ANXA8: variants seen among roughly 807,000 people sequenced by gnomAD.
ANXA8 encodes VAC-beta.
A neutral mutation model predicts 26.8 loss-of-function variants in ANXA8; 9 were observed. The ratio of observed to expected loss-of-function variants is 0.34; its 90% CI spans 0.20 to 0.59. The LOEUF (loss-of-function observed/expected upper bound fraction) is 0.59. Among genes scored for constraint, ANXA8 ranks in the 20% least tolerant of loss-of-function variants. The pLI, the probability that ANXA8 is intolerant of heterozygous loss-of-function variation, is 0.84. For missense variants in ANXA8, 83 were observed against 238.5 expected (o/e 0.35, Z 4.29); for synonymous variants, 39 against 94.8 (o/e 0.41, Z 3.42).
the ANXA8 span, among the ~76,000 whole-genome samples, chr10:47,537,674 G>A: frequency 2.3e-5 from 3 of 132,152 alleles, no homozygotes; most frequent in African/African-American, 8.7e-5. Context: ...TTTGTGTAAT[G>A]TGATGGAAAC....
chr10:47,475,622 C>CG, intron 5 of ANXA8, 50 bp from the exon 6 acceptor site: 2 of 1,310,438 alleles, frequency 1.5e-6, no homozygotes, highest in Non-Finnish European at 2.2e-6. Context: ...ACAGCCTACC[C>CG]GGGGCCTGCT....
chr10:47,625,142 T>A, the ANXA8 span, among the ~76,000 whole-genome samples: 4 of 23,152 alleles, frequency 1.7e-4, no homozygotes, highest in Admixed American at 1.4e-3. Flanking sequence ...TTATCAGAGA[T>A]TAAAGAAACA....
chr10:47,521,953 G>GT, the ANXA8 span, among the ~76,000 whole-genome samples: 22 of 150,530 alleles, frequency 1.5e-4, no homozygotes, highest in African/African-American at 5.2e-4. Flanking sequence ...GCTAATTTTT[G>GT]TATTTTCTTT....
chr10:47,637,946 T>C, the ANXA8 span, among the ~76,000 whole-genome samples: 1 of 148,502 alleles, frequency 6.7e-6, no homozygotes, highest in African/African-American at 2.6e-5. Context: ...AAGGCAATGT[T>C]TACCAATATG....
At chr10:47,969,773 T>C in the ANXA8 span, among the ~76,000 whole-genome samples, 5 of 150,478 alleles carry the variant, frequency 3.3e-5, no homozygotes, top group East Asian at 9.7e-4. Context: ...TGGAGTAGGG[T>C]GGTGTGACGG....
the ANXA8 span, chr10:47,565,501 G>C: frequency 2.6e-6 from 1 of 382,838 alleles, no homozygotes; most frequent in African/African-American, 2.2e-5. Flanking sequence ...CAGCGACCCC[G>C]GCGAGGCCCC....
the ANXA8 span, among the ~76,000 whole-genome samples, chr10:47,920,237 C>CTTT: frequency 1.3e-4 from 9 of 67,702 alleles, no homozygotes; most frequent in African/African-American, 6.8e-4. Context: ...AAATGAGACT[C>CTTT]TTTTTTTTTT....
At chr10:47,548,464 T>A in the ANXA8 span, among the ~76,000 whole-genome samples, 6 of 152,032 alleles carry the variant, frequency 3.9e-5, no homozygotes, top group Non-Finnish European at 8.8e-5. Flanking sequence ...ACCTCACCCG[T>A]CTAATTTTGT....
chr10:47,731,166 T>A, the ANXA8 span, among the ~76,000 whole-genome samples: 1 of 152,306 alleles, frequency 6.6e-6, no homozygotes, highest in Admixed American at 6.5e-5. Context: ...CAGAGTATGC[T>A]GAGTGTTAAT....
the ANXA8 span, among the ~76,000 whole-genome samples, chr10:47,732,841 G>A: frequency 6.9e-6 from 1 of 144,284 alleles, no homozygotes; most frequent in African/African-American, 2.6e-5. Flanking sequence ...CTAGGCACTG[G>A]AAATGCAAAG....
At chr10:47,664,114 C>T in the ANXA8 span, among the ~76,000 whole-genome samples, 5 of 151,194 alleles carry the variant, frequency 3.3e-5, no homozygotes, top group Non-Finnish European at 7.4e-5. Context: ...CGGTGGCTGA[C>T]GCCTGTAATC....
chr10:47,744,761 A>G, the ANXA8 span, among the ~76,000 whole-genome samples: 271 of 151,840 alleles, frequency 1.8e-3, 4 homozygotes, highest in African/African-American at 5.8e-3. Context: ...CTATTTACCA[A>G]TTCAAACTTG....
the ANXA8 span, among the ~76,000 whole-genome samples, chr10:47,697,245 T>C: frequency 2.6e-5 from 4 of 152,268 alleles, no homozygotes; most frequent in East Asian, 1.9e-4. Context: ...CACTTCACTA[T>C]ACCTTTATCT....
the ANXA8 span, among the ~76,000 whole-genome samples, chr10:47,648,155 A>T: frequency 6.6e-6 from 1 of 151,534 alleles, no homozygotes; most frequent in African/African-American, 2.4e-5. Flanking sequence ...TCTTGGGAGA[A>T]TATCAGCAAG....
the ANXA8 span, among the ~76,000 whole-genome samples, chr10:47,732,675 G>A: frequency 7.3e-6 from 1 of 137,618 alleles, no homozygotes; most frequent in African/African-American, 2.7e-5. Context: ...AGCGTTAGAG[G>A]CATTCACCTT....
the ANXA8 span, among the ~76,000 whole-genome samples, chr10:47,618,982 CA>C: frequency 8.7e-6 from 1 of 114,550 alleles, no homozygotes; most frequent in East Asian, 2.1e-4. Context: ...ACATAATTCT[CA>C]AAAAGTGTTT....
the ANXA8 span, among the ~76,000 whole-genome samples, chr10:47,976,603 G>C: frequency 1.4e-5 from 2 of 147,452 alleles, no homozygotes; most frequent in African/African-American, 5.0e-5. Context: ...TGACAGCTGT[G>C]AAAACCAGCA....
the ANXA8 span, among the ~76,000 whole-genome samples, chr10:47,952,711 T>C: frequency 6.8e-6 from 1 of 147,630 alleles, no homozygotes; most frequent in East Asian, 2.1e-4. Context: ...AGAATGAATG[T>C]TGAGGACTTA....
At chr10:47,572,444 G>A in the ANXA8 span, among the ~76,000 whole-genome samples, 4 of 149,964 alleles carry the variant, frequency 2.7e-5, no homozygotes, top group Admixed American at 6.7e-5. Context: ...GGCCAGTCGC[G>A]GTAGCTCATG....
Sources: allele counts gnomAD v4.1 joint callset (sites outside exome capture counted in the v4.1 genomes callset), GRCh38; gene constraint gnomAD v4.1.1; transcripts MANE v1.5; gene names NCBI Gene and HGNC (gene_info 2026-07-23, HGNC 2026-07-21).